The following OPCML variants were observed in gnomAD, a reference collection of about 807,000 sequenced individuals.
The protein encoded by OPCML is opioid-binding protein/cell adhesion molecule.
A neutral mutation model predicts 37.8 loss-of-function variants in OPCML; 13 were observed. That is an observed-to-expected ratio of 0.34 (90% CI 0.22 to 0.55). OPCML has a LOEUF of 0.55. OPCML is among the 20% of genes least tolerant of loss of function. The pLI is 0.91. For missense variants in OPCML, 341 were observed against 435.6 expected (o/e 0.78, Z 1.93); for synonymous variants, 176 against 168.8 (o/e 1.04, Z -0.33).
chr11:133,422,678 A>G, intron 1 of OPCML: 1 of 984,186 alleles, frequency 1.0e-6, no homozygotes, highest in Non-Finnish European at 1.2e-6. Flanking sequence ...TTTAATAATT[A>G]TTATGTCATG....
At chr11:132,479,760 G>C (rs546734346) in intron 4 of OPCML, among the ~76,000 whole-genome samples, 1 of 152,114 alleles carries the variant, frequency 6.6e-6, no homozygotes, top group Non-Finnish European at 1.5e-5. Context: ...CCCCAGCAGG[G>C]GCAGACTGAC....
intron 1 of OPCML, chr11:133,005,075 C>T (rs901343143): frequency 1.0e-6 from 1 of 985,348 alleles, no homozygotes; most frequent in Non-Finnish European, 1.2e-6. Flanking sequence ...CACACCCTTG[C>T]TTGGACTCCT....
At chr11:133,303,176 T>C (rs925500933) in intron 1 of OPCML, among the ~76,000 whole-genome samples, 3 of 152,126 alleles carry the variant, frequency 2.0e-5, no homozygotes, top group African/African-American at 4.8e-5. Context: ...CTGACGTATG[T>C]TTTTAGATAA....
chr11:132,483,472 A>G lies in OPCML; in HGVS notation c.505+45589T>C, dbSNP rs929273738. Among the ~76,000 whole-genome samples, 304 of 152,266 alleles carry G rather than the reference A, an allele frequency of 2.0e-3. 8 individuals carry two copies. Among genetic ancestry groups the G allele is most frequent in the Middle Eastern group, 6.8e-3 (2 of 294 alleles). ...CTCGTGGGTAGGAAGAATCAATATC[A>G]TGAAAATGGCCATACTGCCCAAGGT... On this transcript the variant is annotated intron_variant, in intron 4 of 7. Coordinates refer to ENST00000524381, the MANE Select transcript of OPCML (RefSeq NM_001012393.5).
At chr11:132,957,023 T>C (rs1945989267) in intron 1 of OPCML, among the ~76,000 whole-genome samples, 1 of 152,118 alleles carries the variant, frequency 6.6e-6, no homozygotes, top group Admixed American at 6.5e-5. Context: ...CCAAGATACT[T>C]AACAGGCTGA....
rs200671724 is a variant in OPCML at position 133,035,946 on chromosome 11, A to C, written c.62-92936T>G. Among the ~76,000 whole-genome samples the C allele has an allele frequency of 2.0e-5, 3 of 152,162 alleles. No homozygotes were observed. In the East Asian group the frequency reaches 5.8e-4, roughly 29 times the overall value. ...CCTCGGAGAAACCAAACCTGCTAGC[A>C]TCTTCATCTTGGATTTCTAGTTCCC... On this transcript the variant is annotated intron_variant, in intron 1 of 7. Coordinates refer to ENST00000524381, the MANE Select transcript of OPCML (RefSeq NM_001012393.5).
At chr11:132,601,876 T>A (rs910562096) in intron 3 of OPCML, among the ~76,000 whole-genome samples, 1 of 152,200 alleles carries the variant, frequency 6.6e-6, no homozygotes, top group African/African-American at 2.4e-5. Flanking sequence ...CATGGCAGTT[T>A]GGTTGCACAC....
chr11:133,290,666 G>A (rs1272564034), intron 1 of OPCML, among the ~76,000 whole-genome samples: 1 of 152,200 alleles, frequency 6.6e-6, no homozygotes, highest in Non-Finnish European at 1.5e-5. Flanking sequence ...ACAGAAGGAG[G>A]AGAGCAAAAA....
chr11:132,415,218 C>T lies in OPCML; in HGVS notation c.*4975G>A, dbSNP rs1405199551. On this transcript the variant is annotated 3_prime_UTR_variant, in exon 8 of 8. Coordinates refer to ENST00000524381, the MANE Select transcript of OPCML (RefSeq NM_001012393.5). Reference sequence around the variant, plus strand: ...GGCTGACAAAGTCATACTCTTGTATCGTGTGATAAATTTTTAAAGCATTTG... The same window carrying T: ...GGCTGACAAAGTCATACTCTTGTATTGTGTGATAAATTTTTAAAGCATTTG... The T allele has an allele frequency of 6.6e-6, 1 of 152,438 alleles. No individual in the cohort carries two copies. Among genetic ancestry groups the T allele is most frequent in the Non-Finnish European group, 1.5e-5 (1 of 67,988 alleles). 9.4% of individuals were successfully genotyped at this position (152,438 alleles called of 1,614,324 possible). A position where few individuals can be genotyped will look rare whatever the true frequency, so the allele number is the denominator to read the frequency against.
chr11:133,457,221 C>T (rs867248952), intron 1 of OPCML, among the ~76,000 whole-genome samples: 1 of 152,098 alleles, frequency 6.6e-6, no homozygotes, highest in Non-Finnish European at 1.5e-5. Context: ...AGATGCTAAA[C>T]GTTTTCTTAA....
intron 7 of OPCML, among the ~76,000 whole-genome samples, chr11:132,428,628 T>C (rs997201481): frequency 6.6e-6 from 1 of 152,156 alleles, no homozygotes; most frequent in Non-Finnish European, 1.5e-5. Context: ...AGACACAGTA[T>C]ATGGGTTTGA....
chr11:132,566,528 T>C (rs568359321), intron 3 of OPCML, among the ~76,000 whole-genome samples: 37 of 152,346 alleles, frequency 2.4e-4, no homozygotes, highest in African/African-American at 8.7e-4. Flanking sequence ...TTATGAGATC[T>C]AAGATACAGT....
chr11:132,600,516 A>C (rs918412540), intron 3 of OPCML, among the ~76,000 whole-genome samples: 1 of 152,192 alleles, frequency 6.6e-6, no homozygotes, highest in Non-Finnish European at 1.5e-5. Flanking sequence ...TATTGCAACA[A>C]ATTTGTCTTC....
intron 2 of OPCML, among the ~76,000 whole-genome samples, chr11:132,836,969 C>G (rs1317571780): frequency 1.3e-5 from 2 of 152,096 alleles, no homozygotes; most frequent in Non-Finnish European, 2.9e-5. Flanking sequence ...TGAACGATCA[C>G]AGAGGGAAAG....
intron 3 of OPCML, among the ~76,000 whole-genome samples, chr11:132,549,754 T>C (rs770657660): frequency 5.8e-4 from 89 of 152,310 alleles, no homozygotes; most frequent in Non-Finnish European, 1.1e-3. Context: ...AAAACCTATT[T>C]GCAGAATAAG....
chr11:133,082,493 T>A lies in OPCML; in HGVS notation c.62-139483A>T, dbSNP rs1463398412. On this transcript the variant is annotated intron_variant, in intron 1 of 7. Transcript: ENST00000524381. The stretch of plus-strand genomic sequence containing the variant: ...ATCCTCCCCTCCCCACGCTCCCCTC[T>A]TCCCTTCCCCACCTGCCACCCTCCC... Among the ~76,000 whole-genome samples, 21 of 12,762 alleles carry A rather than the reference T, an allele frequency of 1.6e-3. 4 individuals are homozygous for A. In the East Asian group the frequency reaches 0.049, roughly 30 times the overall value. 8.4% of individuals were successfully genotyped at this position (12,762 alleles called of 152,430 possible).
chr11:133,423,284 T>G (rs1045501102), intron 1 of OPCML: 3 of 985,472 alleles, frequency 3.0e-6, no homozygotes, highest in Non-Finnish European at 3.6e-6. Context: ...ATTGGAATTT[T>G]AGGCAGAAAG....
intron 1 of OPCML, among the ~76,000 whole-genome samples, chr11:133,072,799 G>A (rs1037739596): frequency 1.3e-5 from 2 of 152,244 alleles, no homozygotes; most frequent in South Asian, 2.1e-4. Context: ...AACACAAGGG[G>A]ACTGTAAGTA....
chr11:133,316,205 C>A (rs754886073), intron 1 of OPCML, among the ~76,000 whole-genome samples: 3 of 152,022 alleles, frequency 2.0e-5, no homozygotes, highest in Admixed American at 6.6e-5. Context: ...CAGATAGGAA[C>A]AAGACTGAGG....
Sources: gnomAD v4.1 joint callset for allele counts (sites outside exome capture counted in the v4.1 genomes callset) on GRCh38, gnomAD v4.1.1 for gene constraint, MANE v1.5 for transcripts, NCBI Gene and HGNC (gene_info 2026-07-23, HGNC 2026-07-21) for gene names.